Variants in PHACTR1 observed in about 807,000 individuals in gnomAD.
The protein encoded by PHACTR1 is phosphatase and actin regulator 1, also known as RPEL repeat containing 1.
PHACTR1 carries 16 observed loss-of-function variants against 69.2 expected under a neutral mutation model. The observed-to-expected ratio is 0.23, with a 90% CI of 0.16 to 0.35. The LOEUF is 0.35. PHACTR1 is among the 10% of genes least tolerant of loss of function. PHACTR1 has a pLI of 1.00. For synonymous variants in PHACTR1, 312 were observed against 284.5 expected, an observed-to-expected ratio of 1.10 and a Z score of -0.97; for missense variants, 510 against 734.7, an observed-to-expected ratio of 0.69 and a Z score of 3.54.
At chr6:13,239,556 TAAG>T (rs551806275) in intron 10 of PHACTR1, among the ~76,000 whole-genome samples, 1 of 152,146 alleles carries the variant, frequency 6.6e-6, no homozygotes, top group Non-Finnish European at 1.5e-5. Context: ...GCTGTCTGGA[TAAG>T]AAGACTTGAG....
chr6:13,284,807 A>T (rs1016669028), intron 13 of PHACTR1, among the ~76,000 whole-genome samples: 7 of 152,142 alleles, frequency 4.6e-5, no homozygotes, highest in African/African-American at 1.4e-4. Context: ...ATGCAGGCAC[A>T]TTGCTGCACT....
intron 3 of PHACTR1, among the ~76,000 whole-genome samples, chr6:12,732,955 C>T (rs1763741558): frequency 6.6e-6 from 1 of 152,172 alleles, no homozygotes; most frequent in Non-Finnish European, 1.5e-5. Context: ...TGACTAATAC[C>T]TCGTGATCTA....
chr6:12,748,393 C>A (rs74461165), intron 3 of PHACTR1, among the ~76,000 whole-genome samples: 2,325 of 152,274 alleles, frequency 0.015, 39 homozygotes, highest in Non-Finnish European at 0.027. Flanking sequence ...CACTGAGATG[C>A]CCTTTGTAGC....
chr6:13,285,340 T>A (rs1345354718), intron 13 of PHACTR1, among the ~76,000 whole-genome samples: 1 of 152,104 alleles, frequency 6.6e-6, no homozygotes, highest in African/African-American at 2.4e-5. Flanking sequence ...CAGGAAGACT[T>A]TTCTCTCCTC....
At chr6:12,915,877 C>G (rs1485771921) in intron 4 of PHACTR1, among the ~76,000 whole-genome samples, 5 of 152,180 alleles carry the variant, frequency 3.3e-5, no homozygotes, top group Admixed American at 2.6e-4. Context: ...GTTGTCCTGC[C>G]ACCAGTACAT....
intron 4 of PHACTR1, among the ~76,000 whole-genome samples, chr6:12,821,883 G>A (rs1193907690): frequency 5.3e-5 from 8 of 152,206 alleles, no homozygotes. Flanking sequence ...GTGAGCAAAT[G>A]ACTTTGGGTC....
rs550304065 is a variant in PHACTR1, at chr6:12,984,593, C to T, written c.251-68772C>T. On this transcript the variant is annotated intron_variant, in intron 4 of 14. Coordinates refer to ENST00000332995, the MANE Select transcript of PHACTR1 (RefSeq NM_030948.6). ...TTTCTAAGTTATCCCCTCTGGTGTTCCAAGAAAGAATCCCTTTTAATATAT... is the reference window on the plus strand; with the variant it reads ...TTTCTAAGTTATCCCCTCTGGTGTTTCAAGAAAGAATCCCTTTTAATATAT... Among the ~76,000 whole-genome samples the T allele has an allele frequency of 9.2e-4, 140 of 152,318 alleles. 1 individual carries two copies. The highest frequency in any genetic ancestry group is 3.3e-3 in the African/African-American group (137 of 41,566).
At chr6:13,070,160 T>A (rs7453683) in intron 5 of PHACTR1, among the ~76,000 whole-genome samples, 2,258 of 152,302 alleles carry the variant, frequency 0.015, 57 homozygotes, top group African/African-American at 0.052. Context: ...TAAGCCTCAA[T>A]TTCATTTCCT....
At chr6:12,979,984 C>T (rs1795318838) in intron 4 of PHACTR1, among the ~76,000 whole-genome samples, 1 of 152,160 alleles carries the variant, frequency 6.6e-6, no homozygotes, top group African/African-American at 2.4e-5. Context: ...AAATCACTTT[C>T]ACAATTAGCA....
chr6:13,173,743 T>C (rs1023411935), intron 6 of PHACTR1, among the ~76,000 whole-genome samples: 7 of 152,322 alleles, frequency 4.6e-5, no homozygotes, highest in Middle Eastern at 3.4e-3. Flanking sequence ...AGTTTCACTC[T>C]TGTTGCCCAG....
chr6:13,247,220 G>C (rs886664958), intron 10 of PHACTR1, among the ~76,000 whole-genome samples: 2 of 152,164 alleles, frequency 1.3e-5, no homozygotes, highest in African/African-American at 4.8e-5. Context: ...CAGGTCATCA[G>C]TGTATTGAAA....
chr6:13,120,476 C>A lies in PHACTR1; in HGVS notation c.416-39728C>A, dbSNP rs74624314. On this transcript the variant is annotated intron_variant, in intron 5 of 14. Coordinates refer to ENST00000332995, the MANE Select transcript of PHACTR1 (RefSeq NM_030948.6). ...TCCAGGAAGGCTGACTGTCGAAGCA[C>A]GCTGCTGGCCACTTCTGTCTTCACA... is the stretch of plus-strand genomic sequence containing the variant. 2.0e-5 allele frequency among the ~76,000 whole-genome samples: 3 copies of A among 152,298 alleles called. No individual in the cohort carries two copies. The East Asian group carries it at 5.8e-4, about 29-fold the overall frequency.
intron 6 of PHACTR1, among the ~76,000 whole-genome samples, chr6:13,166,949 A>G (rs1373754422): frequency 6.6e-6 from 1 of 152,220 alleles, no homozygotes; most frequent in Non-Finnish European, 1.5e-5. Flanking sequence ...TTCAAGGAGC[A>G]ACTGTATATT....
intron 5 of PHACTR1, among the ~76,000 whole-genome samples, chr6:13,104,056 C>G (rs1815651050): frequency 6.6e-6 from 1 of 152,000 alleles, no homozygotes; most frequent in African/African-American, 2.4e-5. Context: ...TGCACTCCAG[C>G]CTGGGCAACA....
intron 4 of PHACTR1, among the ~76,000 whole-genome samples, chr6:12,818,880 G>A (rs1175314463): frequency 6.6e-6 from 1 of 152,156 alleles, no homozygotes; most frequent in Admixed American, 6.5e-5. Flanking sequence ...GAAATCTGTT[G>A]GAAAGTACAG....
intron 4 of PHACTR1, among the ~76,000 whole-genome samples, chr6:12,885,988 G>A (rs564716751): frequency 2.6e-3 from 392 of 152,240 alleles, no homozygotes; most frequent in Non-Finnish European, 4.7e-3. Context: ...CCAGCTACTC[G>A]GGAGGCTGAG....
chr6:12,867,025 CT>C (rs1297482071), intron 4 of PHACTR1, among the ~76,000 whole-genome samples: 1 of 152,072 alleles, frequency 6.6e-6, no homozygotes, highest in Admixed American at 6.6e-5. Flanking sequence ...AGTTTGGAAC[CT>C]GTAGTGAAGA....
chr6:13,097,335 G>T (rs1472626512), intron 5 of PHACTR1, among the ~76,000 whole-genome samples: 1 of 152,118 alleles, frequency 6.6e-6, no homozygotes, highest in Non-Finnish European at 1.5e-5. Context: ...TCATGTCTTG[G>T]CCTCCTGCCC....
chr6:13,092,020 G>A (rs953345923), intron 5 of PHACTR1, among the ~76,000 whole-genome samples: 5 of 152,076 alleles, frequency 3.3e-5, no homozygotes, highest in South Asian at 2.1e-4. Context: ...GGACAGTCTC[G>A]ATCTCCTGAC....
Sources: gnomAD v4.1 joint callset for allele counts (sites outside exome capture counted in the v4.1 genomes callset) on GRCh38, gnomAD v4.1.1 for gene constraint, MANE v1.5 for transcripts, NCBI Gene and HGNC (gene_info 2026-07-23, HGNC 2026-07-21) for gene names.